The following THNSL1 variants were observed in gnomAD, a reference collection of about 807,000 sequenced individuals.
THNSL1 encodes threonine synthase like 1, also known as threonine synthase-like 1.
Under a neutral mutation model 50.4 loss-of-function variants are expected in THNSL1, and 48 were observed. The ratio of observed to expected loss-of-function variants is 0.95; its 90% confidence interval spans 0.76 to 1.21. The LOEUF is 1.21. Among genes scored for constraint, THNSL1 ranks in the 50% most tolerant of loss-of-function variants. The pLI, the probability that THNSL1 is intolerant of heterozygous loss-of-function variation, is 0.00. For synonymous variants in THNSL1, 309 were observed against 306.1 expected (o/e 1.01, Z -0.10); for missense variants, 896 against 871.7 (o/e 1.03, Z -0.35).
chr10:25,012,541 T>C (rs61853349), upstream of THNSL1, among the ~76,000 whole-genome samples: 244 of 152,308 alleles, frequency 1.6e-3, no homozygotes, highest in Non-Finnish European at 2.5e-3. Flanking sequence ...ATGTGAGACA[T>C]GGAGTCAAAG....
At chr10:24,966,070 T>C in the THNSL1 span, among the ~76,000 whole-genome samples, 2 of 152,230 alleles carry the variant, frequency 1.3e-5, no homozygotes, top group Non-Finnish European at 2.9e-5. Context: ...ATTGACTCAA[T>C]AGAGGATGCC....
chr10:24,978,119 C>G, the THNSL1 span, among the ~76,000 whole-genome samples: 1 of 152,162 alleles, frequency 6.6e-6, no homozygotes, highest in Non-Finnish European at 1.5e-5. Context: ...CTTTTTACAC[C>G]AGTCCTGTGA....
At chr10:25,013,193 A>G (rs931055991), upstream of THNSL1, among the ~76,000 whole-genome samples, 24 of 152,348 alleles carry the variant, frequency 1.6e-4, no homozygotes, top group South Asian at 4.8e-3. Flanking sequence ...TTCTTTTGAA[A>G]TATAAATTAC....
At chr10:25,017,121 A>G (rs961366528) in intron 1 of THNSL1, among the ~76,000 whole-genome samples, 77 of 152,322 alleles carry the variant, frequency 5.1e-4, no homozygotes, top group African/African-American at 1.7e-3. Context: ...GTCGTTCTCC[A>G]GGAACCAGTG....
the THNSL1 span, among the ~76,000 whole-genome samples, chr10:24,986,733 A>C: frequency 6.6e-6 from 1 of 152,226 alleles, no homozygotes; most frequent in South Asian, 2.1e-4. Context: ...TTTGGATCAA[A>C]GTCAACAGCC....
chr10:24,982,986 T>A, the THNSL1 span: 1 of 152,184 alleles, frequency 6.6e-6, no homozygotes, highest in African/African-American at 2.4e-5. Context: ...TGCTACTGAT[T>A]TTGAATTATT....
At chr10:25,018,362 A>G in intron 1 of THNSL1, among the ~76,000 whole-genome samples, 1 of 152,246 alleles carries the variant, frequency 6.6e-6, no homozygotes, top group Non-Finnish European at 1.5e-5. Context: ...ATTAACTGGT[A>G]TATACCTACA....
At chr10:24,967,658 A>T in the THNSL1 span, among the ~76,000 whole-genome samples, 1 of 151,572 alleles carries the variant, frequency 6.6e-6, no homozygotes, top group African/African-American at 2.4e-5. Flanking sequence ...GTGTGTGTAC[A>T]TGTGTGTATG....
chr10:25,020,718 G>T (rs914365069), intron 1 of THNSL1, among the ~76,000 whole-genome samples: 1 of 150,658 alleles, frequency 6.6e-6, no homozygotes, highest in Admixed American at 6.7e-5. Context: ...TCCAGCCTGG[G>T]TGACAGTGGA....
chr10:24,991,894 G>A, the THNSL1 span, among the ~76,000 whole-genome samples: 2 of 152,140 alleles, frequency 1.3e-5, no homozygotes, highest in Non-Finnish European at 2.9e-5. Context: ...TGTAAACATC[G>A]ACCCATAGAC....
chr10:24,984,848 T>A, the THNSL1 span: 1 of 1,613,812 alleles, frequency 6.2e-7, no homozygotes, highest in Non-Finnish European at 8.5e-7. Flanking sequence ...ATAGAATCTA[T>A]AAAGACCGAG....
the THNSL1 span, among the ~76,000 whole-genome samples, chr10:25,008,376 T>A: frequency 0.018 from 2,704 of 152,304 alleles, 104 homozygotes; most frequent in African/African-American, 0.059. Flanking sequence ...AAACTCTGGA[T>A]CAGGAGAAAA....
At chr10:25,006,242 G>C in the THNSL1 span, among the ~76,000 whole-genome samples, 1 of 152,088 alleles carries the variant, frequency 6.6e-6, no homozygotes, top group African/African-American at 2.4e-5. Context: ...TGGAACACTG[G>C]TCTATAATGA....
chr10:24,959,314 C>G, the THNSL1 span, among the ~76,000 whole-genome samples: 1 of 152,190 alleles, frequency 6.6e-6, no homozygotes, highest in Non-Finnish European at 1.5e-5. Flanking sequence ...TGTATAACAG[C>G]CACTGGCAAT....
chr10:24,965,702 G>T, the THNSL1 span, among the ~76,000 whole-genome samples: 2 of 152,132 alleles, frequency 1.3e-5, no homozygotes, highest in Non-Finnish European at 2.9e-5. Context: ...TCTAGTTATT[G>T]AAAAGTGTAT....
chr10:24,990,369 C>G, the THNSL1 span: 2 of 1,460,234 alleles, frequency 1.4e-6, no homozygotes, highest in Non-Finnish European at 1.8e-6. Flanking sequence ...TTTCAAAATC[C>G]AAGTGCTGAC....
chr10:24,984,493 T>A, the THNSL1 span: 1 of 1,293,592 alleles, frequency 7.7e-7, no homozygotes, highest in Non-Finnish European at 1.0e-6. Flanking sequence ...ATTGTGGAAC[T>A]GGAACACATA....
chr10:25,013,365 T>C (rs904524365), upstream of THNSL1, among the ~76,000 whole-genome samples: 3 of 152,210 alleles, frequency 2.0e-5, no homozygotes, highest in African/African-American at 7.2e-5. Context: ...ACTATCTCCA[T>C]AGATTAATGA....
chr10:25,020,768 G>A (rs1246802938), intron 1 of THNSL1, among the ~76,000 whole-genome samples: 1 of 151,538 alleles, frequency 6.6e-6, no homozygotes, highest in Admixed American at 6.6e-5. Flanking sequence ...TACTGCTCAT[G>A]AAAACCATCT....
Sources: gnomAD v4.1 joint callset for allele counts (sites outside exome capture counted in the v4.1 genomes callset) on GRCh38, gnomAD v4.1.1 for gene constraint, MANE v1.5 for transcripts, NCBI Gene and HGNC (gene_info 2026-07-23, HGNC 2026-07-21) for gene names.